Variants in EAF2 observed in about 807,000 individuals in gnomAD.
EAF2 encodes the protein ELL associated factor 2.
Under a neutral mutation model 29.4 loss-of-function variants are expected in EAF2, and 29 were observed. The observed-to-expected ratio is 0.99, with a 90% CI of 0.73 to 1.35. EAF2 has a LOEUF of 1.35. Among genes scored for constraint, EAF2 ranks in the 40% most tolerant of loss-of-function variants. The pLI, the probability that EAF2 is intolerant of heterozygous loss-of-function variation, is 0.00. For missense variants in EAF2, 292 were observed against 312.0 expected, an observed-to-expected ratio of 0.94 and a Z score of 0.48; for synonymous variants, 103 against 102.5, an observed-to-expected ratio of 1.00 and a Z score of -0.03.
chr3:121,853,203 A>G (rs537287598), intron 2 of EAF2, among the ~76,000 whole-genome samples: 32 of 152,292 alleles, frequency 2.1e-4, no homozygotes, highest in African/African-American at 7.5e-4. Flanking sequence ...GGACATTTCT[A>G]TCTAAGCACC....
intron 4 of EAF2, among the ~76,000 whole-genome samples, chr3:121,863,420 T>C (rs1218700937): frequency 1.3e-5 from 2 of 152,180 alleles, no homozygotes; most frequent in African/African-American, 2.4e-5. Context: ...TACCTCAGCC[T>C]CACTGCTGCC....
At chr3:121,854,554 A>C in intron 2 of EAF2, 133 bp from the exon 3 acceptor site, 1 of 598,386 alleles carries the variant, frequency 1.7e-6, no homozygotes, top group Non-Finnish European at 2.6e-6. Context: ...GATTCAGGGT[A>C]GTAAATTTAG....
intron 1 of EAF2, among the ~76,000 whole-genome samples, chr3:121,841,037 C>G (rs575110882): frequency 6.6e-6 from 1 of 152,118 alleles, no homozygotes; most frequent in East Asian, 1.9e-4. Context: ...TAAGGTGTTC[C>G]AGTAGTTTAG....
intron 5 of EAF2, among the ~76,000 whole-genome samples, chr3:121,884,829 T>G (rs137951665): frequency 6.6e-6 from 1 of 152,342 alleles, no homozygotes; most frequent in East Asian, 1.9e-4. Flanking sequence ...TCTTCTTAAA[T>G]TAGGTATTGA....
intron 5 of EAF2, chr3:121,873,255 A>G (rs992802458): frequency 1.4e-5 from 7 of 493,180 alleles, no homozygotes; most frequent in African/African-American, 1.4e-4. Flanking sequence ...TACTTTGTCC[A>G]AAACCAACTC....
chr3:121,854,888 A>T, intron 3 of EAF2, 65 bp downstream of exon 3: 5 of 1,365,092 alleles, frequency 3.7e-6, no homozygotes, highest in Non-Finnish European at 4.9e-6. Context: ...TCAATAAAAA[A>T]TTTATTAAGT....
chr3:121,848,394 T>A (rs1158571787), intron 2 of EAF2, among the ~76,000 whole-genome samples: 1 of 152,224 alleles, frequency 6.6e-6, no homozygotes, highest in East Asian at 1.9e-4. Context: ...AATATTTTAA[T>A]GGTATAGATC....
At chr3:121,844,807 A>C (rs1708494766) in intron 2 of EAF2, among the ~76,000 whole-genome samples, 1 of 152,234 alleles carries the variant, frequency 6.6e-6, no homozygotes, top group Non-Finnish European at 1.5e-5. Context: ...TTCCTACTAT[A>C]AGCCAGATTT....
At chr3:121,857,445 T>C (rs1708740014) in intron 4 of EAF2, among the ~76,000 whole-genome samples, 1 of 151,176 alleles carries the variant, frequency 6.6e-6, no homozygotes, top group South Asian at 2.1e-4. Context: ...TGAGCTGAGA[T>C]TGCGCCACTG....
intron 2 of EAF2, among the ~76,000 whole-genome samples, chr3:121,845,440 C>CAAA (rs747436052): frequency 5.2e-4 from 31 of 59,758 alleles, no homozygotes; most frequent in East Asian, 1.8e-3. Flanking sequence ...TCCTACATCT[C>CAAA]AAAAAAAAAA....
At chr3:121,835,519 G>T in intron 1 of EAF2, 128 bp downstream of exon 1, 2 of 804,366 alleles carry the variant, frequency 2.5e-6, no homozygotes, top group Non-Finnish European at 4.0e-6. Context: ...GGGGAGGGGG[G>T]AGGCAGCGCG....
chr3:121,885,745 A>T (rs892617781), intron 5 of EAF2, among the ~76,000 whole-genome samples: 10 of 152,116 alleles, frequency 6.6e-5, no homozygotes, highest in Admixed American at 5.9e-4. Flanking sequence ...AAGGCCTTCA[A>T]AACTACCCTA....
rs1389721489 is a variant in EAF2, at chr3:121,859,866, G to C, written c.484+2710G>C. ...GTTCCATCAATACCTAGTTTATTGA[G>C]AGTTTTTAGCATGAAGGGCTGTTGA... On this transcript the variant is annotated intron_variant, in intron 4 of 5. Coordinates refer to ENST00000273668, the MANE Select transcript of EAF2 (RefSeq NM_018456.6). Among the ~76,000 whole-genome samples, 5 of 152,304 alleles carry C rather than the reference G, an allele frequency of 3.3e-5. No homozygotes were observed. The East Asian group carries it at 9.6e-4, about 29-fold the overall frequency.
chr3:121,874,360 A>C (rs1280915293), intron 5 of EAF2, among the ~76,000 whole-genome samples: 1 of 151,818 alleles, frequency 6.6e-6, no homozygotes, highest in Non-Finnish European at 1.5e-5. Flanking sequence ...TGACTTGGGA[A>C]GTAATATTGG....
chr3:121,862,717 G>A (rs529834371), intron 4 of EAF2, among the ~76,000 whole-genome samples: 30 of 152,260 alleles, frequency 2.0e-4, no homozygotes, highest in African/African-American at 7.2e-4. Context: ...TTCCATTGCT[G>A]GCGAGGAGCT....
chr3:121,835,447 G>A lies in EAF2; in HGVS notation c.106+56G>A. ...GAGCCTCCCGGGATGGGGGTGAAGA[G>A]GCACAAACCCCTCTGGGTTTTGTTC... On this transcript the variant is annotated intron_variant, in intron 1 of 5. Coordinates refer to ENST00000273668, the MANE Select transcript of EAF2 (RefSeq NM_018456.6). 3 of 1,488,766 alleles carry A rather than the reference G, an allele frequency of 2.0e-6. No individual in the cohort carries two copies. In the South Asian group the frequency reaches 3.4e-5, roughly 17 times the overall value. The allele number at this position is 1,488,766 out of a possible 1,614,324, so 92.2% of individuals were successfully genotyped here.
rs745440983 is a variant in EAF2 at position 121,835,373 on chromosome 3, G to T, written c.88G>T (p.Ala30Ser). ...GESFEKQPRC[A>S]FHTVRYDFKP... ...GAGTTTCGAGAAGCAGCCGCGCTGCGCCTTCCACACTGTGCGCTGTGAGTG... is the reference window on the plus strand; with the variant it reads ...GAGTTTCGAGAAGCAGCCGCGCTGCTCCTTCCACACTGTGCGCTGTGAGTG... The change falls in exon 1 of 6, where the codon GCC becomes TCC. Residue 30 changes from alanine to serine, a missense_variant. Transcript: ENST00000273668. 3.1e-6 allele frequency: 5 copies of T among 1,613,966 alleles called. No homozygotes were observed. The highest frequency in any genetic ancestry group is 4.2e-6 in the Non-Finnish European group (5 of 1,179,916).
At chr3:121,865,003 T>C (rs1339496664) in intron 4 of EAF2, among the ~76,000 whole-genome samples, 1 of 152,166 alleles carries the variant, frequency 6.6e-6, no homozygotes, top group Non-Finnish European at 1.5e-5. Flanking sequence ...AAACTTTATA[T>C]AGTATTCTCA....
chr3:121,882,480 G>A (rs999082530), intron 5 of EAF2, among the ~76,000 whole-genome samples: 2 of 151,980 alleles, frequency 1.3e-5, no homozygotes, highest in African/African-American at 4.8e-5. Flanking sequence ...AGAGACTTTA[G>A]GAGCATTCCC....
Sources: gnomAD v4.1 joint callset for allele counts (sites outside exome capture counted in the v4.1 genomes callset) on GRCh38, gnomAD v4.1.1 for gene constraint, MANE v1.5 for transcripts, NCBI Gene and HGNC (gene_info 2026-07-23, HGNC 2026-07-21) for gene names.